ITPR2: variants seen among roughly 807,000 people sequenced by gnomAD.
ITPR2 encodes the protein inositol 1,4,5-trisphosphate receptor type 2, also known as inositol 1,4,5-trisphosphate-gated calcium channel ITPR2.
Under a neutral mutation model 317.1 loss-of-function variants are expected in ITPR2, and 207 were observed. The ratio of observed to expected loss-of-function variants is 0.65; its 90% CI spans 0.58 to 0.73. The LOEUF (loss-of-function observed/expected upper bound fraction) is 0.73. ITPR2 is among the 30% of genes least tolerant of loss of function. The pLI, the probability that ITPR2 is intolerant of heterozygous loss-of-function variation, is 0.00. For synonymous variants in ITPR2, 1,156 were observed against 1,149.1 expected (o/e 1.01, Z -0.12); for missense variants, 2,613 against 3,284.0 (o/e 0.80, Z 4.99).
In ITPR2 at chr12:26,530,310, C is replaced by T. The variant is rs1943915297; in HGVS notation, c.5073+19937G>A. On this transcript the variant is annotated intron_variant, in intron 37 of 56. Coordinates refer to ENST00000381340, the MANE Select transcript of ITPR2 (RefSeq NM_002223.4). ...TCTGGAATTTTCTACACCTGAAGTC[C>T]ACAAAGACAGGCCCAGAAGCCACAG... 2.0e-5 allele frequency among the ~76,000 whole-genome samples: 3 copies of T among 152,128 alleles called. No homozygotes were observed. In the South Asian group the frequency reaches 6.2e-4, roughly 32 times the overall value.
chr12:26,619,734 T>G (rs1210684561), intron 26 of ITPR2, among the ~76,000 whole-genome samples: 1 of 152,160 alleles, frequency 6.6e-6, no homozygotes, highest in African/African-American at 2.4e-5. Flanking sequence ...GAGTCTTACT[T>G]CTTGACTTGT....
intron 52 of ITPR2, among the ~76,000 whole-genome samples, chr12:26,405,598 A>T (rs1327061397): frequency 1.3e-5 from 2 of 152,230 alleles, no homozygotes; most frequent in African/African-American, 4.8e-5. Flanking sequence ...GCCATGCTTG[A>T]ATAACGGTAT....
intron 32 of ITPR2, among the ~76,000 whole-genome samples, chr12:26,582,843 T>C (rs1211493953): frequency 6.6e-6 from 1 of 152,178 alleles, no homozygotes; most frequent in Non-Finnish European, 1.5e-5. Flanking sequence ...AGCTTTTGCT[T>C]TGGGGCTCTG....
chr12:26,517,148 A>G (rs954971197), intron 37 of ITPR2, among the ~76,000 whole-genome samples: 1 of 152,128 alleles, frequency 6.6e-6, no homozygotes, highest in Non-Finnish European at 1.5e-5. Flanking sequence ...AATTCTAAAG[A>G]GAATTTCTGA....
At chr12:26,804,195 T>C (rs574976397) in intron 1 of ITPR2, among the ~76,000 whole-genome samples, 6 of 152,272 alleles carry the variant, frequency 3.9e-5, no homozygotes, top group African/African-American at 1.2e-4. Flanking sequence ...TTCCAACGTT[T>C]AACATTGGCT....
At chr12:26,414,050 T>TATATACAC (rs1555121665) in intron 51 of ITPR2, among the ~76,000 whole-genome samples, 42 of 138,208 alleles carry the variant, frequency 3.0e-4, no homozygotes, top group South Asian at 2.3e-3. Flanking sequence ...TGTATATATG[T>TATATACAC]ACACACACAC....
chr12:26,386,496 C>A (rs1440783049), intron 55 of ITPR2, among the ~76,000 whole-genome samples: 2 of 152,166 alleles, frequency 1.3e-5, no homozygotes, highest in African/African-American at 4.8e-5. Flanking sequence ...TCTTTGGTTG[C>A]TCCCTAACTA....
intron 45 of ITPR2, among the ~76,000 whole-genome samples, chr12:26,444,096 G>A (rs1224330412): frequency 6.6e-6 from 1 of 152,108 alleles, no homozygotes; most frequent in East Asian, 1.9e-4. Context: ...CTCTACATTA[G>A]TAGTTGGTAT....
chr12:26,495,777 C>A (rs1389502898), intron 37 of ITPR2, among the ~76,000 whole-genome samples: 2 of 152,078 alleles, frequency 1.3e-5, no homozygotes, highest in Admixed American at 6.5e-5. Context: ...ATAATAAACA[C>A]CCTAAGAATT....
Position 26,339,153 on chromosome 12 carries a change from T to C in ITPR2, c.*244A>G. 2.4e-6 allele frequency: 1 copy of C among 423,164 alleles called. No individual in the cohort carries two copies. Among genetic ancestry groups the C allele is most frequent in the Non-Finnish European group, 4.3e-6 (1 of 234,842 alleles). 26.2% of individuals were successfully genotyped at this position (423,164 alleles called of 1,614,324 possible). The stretch of plus-strand genomic sequence containing the variant: ...TCTCCAGCCTTTTGGGCAAGCCTTT[T>C]CTTCCTGATGCATTGCGAATGTGTG... On this transcript the variant is annotated 3_prime_UTR_variant, in exon 57 of 57. Coordinates refer to ENST00000381340, the MANE Select transcript of ITPR2 (RefSeq NM_002223.4).
intron 2 of ITPR2, among the ~76,000 whole-genome samples, chr12:26,778,274 G>A (rs549469259): frequency 2.2e-4 from 33 of 152,316 alleles, no homozygotes; most frequent in Admixed American, 8.5e-4. Flanking sequence ...GAGGGATTGC[G>A]GAGATTAGTG....
At chr12:26,404,739 G>A (rs1940292529) in intron 52 of ITPR2, among the ~76,000 whole-genome samples, 1 of 152,202 alleles carries the variant, frequency 6.6e-6, no homozygotes, top group Non-Finnish European at 1.5e-5. Context: ...TAGGAAGAAA[G>A]AGAGAGAACA....
rs1046999761 is a variant in ITPR2, at chr12:26,495,356, T to C, written c.5074-96A>G. 6.2e-6 allele frequency: 4 copies of C among 640,648 alleles called. No individual in the cohort carries two copies. The South Asian group carries it at 7.1e-5, about 11-fold the overall frequency. The allele number at this position is 640,648 out of a possible 1,614,324, so 39.7% of individuals were successfully genotyped here. On this transcript the variant is annotated intron_variant, in intron 37 of 56. Transcript: ENST00000381340. ...TGCTTTAAATGCATTTTGTGAATGA[T>C]GTTGAGGCATGGAAAAATTAACTTT...
Position 26,397,462 on chromosome 12 carries a change from C to G in ITPR2, c.7696+1414G>C, listed in dbSNP as rs1940034767. 3.3e-5 allele frequency among the ~76,000 whole-genome samples: 5 copies of G among 152,088 alleles called. 1 individual carries two copies. In the South Asian group the frequency reaches 1.0e-3, roughly 32 times the overall value. Reference sequence around the variant, plus strand: ...TCCCTACCCCATGCTGGAGAGGTATCCCTCCTCTGGGTACCTGCAGCTTCC... The same window carrying G: ...TCCCTACCCCATGCTGGAGAGGTATGCCTCCTCTGGGTACCTGCAGCTTCC... On this transcript the variant is annotated intron_variant, in intron 54 of 56. Transcript: ENST00000381340.
rs1592168154 is a variant in ITPR2, at chr12:26,831,900, C to A, written c.92+790G>T. 7.1e-6 allele frequency among the ~76,000 whole-genome samples: 1 copy of A among 141,378 alleles called. No individual in the cohort carries two copies. The allele number at this position is 141,378 out of a possible 152,430, so 92.7% of individuals were successfully genotyped here. ...AATATATATTTCCCTCATTCATAAA[C>A]ATATATACATATATGTGTATATATA... is the stretch of plus-strand genomic sequence containing the variant. On this transcript the variant is annotated intron_variant, in intron 1 of 56. Coordinates refer to ENST00000381340, the MANE Select transcript of ITPR2 (RefSeq NM_002223.4). The surrounding 1 kb of genome is among the most constrained non-coding windows in gnomAD (Gnocchi z 4.9).
intron 26 of ITPR2, among the ~76,000 whole-genome samples, chr12:26,613,712 C>A (rs1299206922): frequency 2.0e-5 from 3 of 152,028 alleles, no homozygotes; most frequent in African/African-American, 7.2e-5. Context: ...AGACATGGCC[C>A]ACAGAAGAGC....
At position 26,351,931 on chromosome 12, in the gene ITPR2, C is replaced by A. The variant is rs114694659; in HGVS notation, c.7858-11603G>T. 4.1e-4 allele frequency among the ~76,000 whole-genome samples: 63 copies of A among 152,276 alleles called. 1 individual carries two copies. The highest frequency in any genetic ancestry group is 1.4e-3 in the African/African-American group (58 of 41,548). ...ATATGAAGTAGAAACATTTGCAAAT[C>A]TCGCTGAGATAGACAAAAACTAGAG... is the stretch of plus-strand genomic sequence containing the variant. On this transcript the variant is annotated intron_variant, in intron 55 of 56. Coordinates refer to ENST00000381340, the MANE Select transcript of ITPR2 (RefSeq NM_002223.4).
chr12:26,622,986 A>G (rs149927347), intron 24 of ITPR2, among the ~76,000 whole-genome samples: 131 of 152,366 alleles, frequency 8.6e-4, no homozygotes, highest in African/African-American at 3.1e-3. Context: ...AGGAAAATAC[A>G]ACACCACAAA....
At chr12:26,520,757 A>C (rs1054246982) in intron 37 of ITPR2, among the ~76,000 whole-genome samples, 1 of 152,070 alleles carries the variant, frequency 6.6e-6, no homozygotes, top group African/African-American at 2.4e-5. Context: ...TTGTCTCCTG[A>C]TTCAAACCTG....
Sources: gnomAD v4.1 joint callset for allele counts (sites outside exome capture counted in the v4.1 genomes callset) on GRCh38, gnomAD v4.1.1 for gene constraint, Gnocchi (gnomAD v3.1) non-coding constraint, MANE v1.5 for transcripts, NCBI Gene and HGNC (gene_info 2026-07-23, HGNC 2026-07-21) for gene names.